Variants in LRMDA observed in about 807,000 individuals in gnomAD.
The protein encoded by LRMDA is leucine-rich melanocyte differentiation-associated protein.
In LRMDA, 18 loss-of-function variants were observed where a neutral mutation model predicts 29.8. The observed-to-expected ratio is 0.60, with a 90% CI of 0.42 to 0.90. LRMDA has a LOEUF of 0.90. Ranked by LOEUF, LRMDA falls within the 40% of genes least tolerant of loss-of-function variation. The pLI, the probability that LRMDA is intolerant of heterozygous loss-of-function variation, is 0.00. For synonymous variants in LRMDA, 125 were observed against 109.4 expected, an observed-to-expected ratio of 1.14 and a Z score of -0.89; for missense variants, 273 against 273.9, an observed-to-expected ratio of 1.00 and a Z score of 0.02.
Position 76,482,344 on chromosome 10 carries a change from G to A in LRMDA, c.602-74865G>A, listed in dbSNP as rs142768063. On this transcript the variant is annotated intron_variant, in intron 6 of 6. Transcript: ENST00000611255. ...ACTTAAATCCCCCTTTTACCCCACT[G>A]TCTTCATTATCTCTGCCCATCAGGG... 1.6e-3 allele frequency among the ~76,000 whole-genome samples: 241 copies of A among 152,004 alleles called. 1 individual carries two copies. The highest frequency in any genetic ancestry group is 4.9e-3 in the African/African-American group (203 of 41,532).
intron 2 of LRMDA, among the ~76,000 whole-genome samples, chr10:75,700,874 C>T (rs750927750): frequency 5.9e-5 from 9 of 152,088 alleles, no homozygotes; most frequent in African/African-American, 9.7e-5. Context: ...GCTTAGCTGT[C>T]GGCCCAGGTG....
chr10:76,298,093 G>T (rs144714690), intron 5 of LRMDA, among the ~76,000 whole-genome samples: 154 of 152,328 alleles, frequency 1.0e-3, no homozygotes, highest in Admixed American at 2.8e-3. Context: ...AGCCCACCAT[G>T]CATGCCTTGC....
chr10:76,238,561 C>T (rs968434034), intron 5 of LRMDA, among the ~76,000 whole-genome samples: 1 of 140,406 alleles, frequency 7.1e-6, no homozygotes, highest in South Asian at 2.5e-4. Flanking sequence ...CCCATGTGGG[C>T]ATGCAGGAGG....
chr10:76,169,917 CAG>C (rs959892547), intron 5 of LRMDA, among the ~76,000 whole-genome samples: 2 of 152,172 alleles, frequency 1.3e-5, no homozygotes, highest in Non-Finnish European at 2.9e-5. Context: ...GTTTACCTCT[CAG>C]AGGTTTATCC....
At chr10:76,147,685 C>G (rs558661360) in intron 5 of LRMDA, among the ~76,000 whole-genome samples, 1 of 152,226 alleles carries the variant, frequency 6.6e-6, no homozygotes, top group African/African-American at 2.4e-5. Flanking sequence ...TCTCTCAACT[C>G]GTCAAAGTCA....
chr10:76,252,524 C>T (rs1211078185), intron 5 of LRMDA, among the ~76,000 whole-genome samples: 1 of 152,120 alleles, frequency 6.6e-6, no homozygotes. Flanking sequence ...AAGAGCAGAG[C>T]CATTTATCTC....
rs374963089 is a variant in LRMDA, at chr10:75,970,051, C to T, written c.132-65957C>T. 2.6e-5 allele frequency among the ~76,000 whole-genome samples: 4 copies of T among 152,312 alleles called. No individual in the cohort carries two copies. In the East Asian group the frequency reaches 5.8e-4, roughly 22 times the overall value. On this transcript the variant is annotated intron_variant, in intron 2 of 6. Transcript: ENST00000611255. ...ATCATGTGGCTGGTTTGACCTTTGC[C>T]ACTTGATGACCCCAAGACACATCTA...
At chr10:75,605,589 G>A (rs534223627) in intron 2 of LRMDA, among the ~76,000 whole-genome samples, 8 of 152,306 alleles carry the variant, frequency 5.3e-5, no homozygotes, top group South Asian at 4.1e-4. Flanking sequence ...TTGTCCTAAC[G>A]CATCCTTTCT....
At chr10:75,877,116 C>T (rs1845211497) in intron 2 of LRMDA, among the ~76,000 whole-genome samples, 1 of 152,218 alleles carries the variant, frequency 6.6e-6, no homozygotes, top group Non-Finnish European at 1.5e-5. Flanking sequence ...AGAGTTGCAG[C>T]TAGAACCTGT....
At chr10:75,928,287 G>GTT (rs5786203) in intron 2 of LRMDA, among the ~76,000 whole-genome samples, 2,784 of 146,800 alleles carry the variant, frequency 0.019, 51 homozygotes, top group African/African-American at 0.047. Flanking sequence ...TTAGTTTTGG[G>GTT]TTTTTTTTTT....
chr10:75,948,514 G>A (rs375245297), intron 2 of LRMDA, among the ~76,000 whole-genome samples: 49 of 152,152 alleles, frequency 3.2e-4, no homozygotes, highest in African/African-American at 1.1e-3. Context: ...ATTAAGGCTG[G>A]GATAATGCAC....
intron 2 of LRMDA, among the ~76,000 whole-genome samples, chr10:75,644,139 C>G (rs1841486865): frequency 6.6e-6 from 1 of 152,054 alleles, no homozygotes; most frequent in Admixed American, 6.5e-5. Context: ...CCCTCTTATC[C>G]CAAGACAGGG....
At chr10:76,274,788 A>G (rs866155097) in intron 5 of LRMDA, among the ~76,000 whole-genome samples, 13 of 152,192 alleles carry the variant, frequency 8.5e-5, no homozygotes, top group Admixed American at 3.9e-4. Flanking sequence ...ATATATGTCA[A>G]TTTTACACAG....
chr10:75,614,624 G>A (rs1352641528), intron 2 of LRMDA, among the ~76,000 whole-genome samples: 2 of 152,170 alleles, frequency 1.3e-5, no homozygotes, highest in African/African-American at 2.4e-5. Context: ...AGAAGGGATG[G>A]TGGAGAGGAG....
At chr10:76,268,364 A>G (rs1274963223) in intron 5 of LRMDA, among the ~76,000 whole-genome samples, 2 of 152,186 alleles carry the variant, frequency 1.3e-5, no homozygotes, top group African/African-American at 2.4e-5. Context: ...TCTCTCCCAC[A>G]TTCAGGAATG....
rs1840983763 is a variant in LRMDA at position 76,337,485 on chromosome 10, GA to G, written c.601+13004del. Among the ~76,000 whole-genome samples the G allele has an allele frequency of 2.0e-5, 3 of 152,222 alleles. 1 individual carries two copies. The South Asian group carries it at 6.2e-4, about 32-fold the overall frequency. On this transcript the variant is annotated intron_variant, in intron 6 of 6. Transcript: ENST00000611255. ...CATGGAACCCTGAGAATGTCTGAGA[GA>G]AAAGTGGTCCAGGCTGAGGAAGGAG...
chr10:76,194,833 A>G (rs376672456), intron 5 of LRMDA, among the ~76,000 whole-genome samples: 18 of 152,236 alleles, frequency 1.2e-4, no homozygotes, highest in South Asian at 6.2e-4. Context: ...AAACAAAGTC[A>G]AGCAAGCTTC....
chr10:76,515,310 T>C (rs113142932), intron 6 of LRMDA, among the ~76,000 whole-genome samples: 21 of 152,284 alleles, frequency 1.4e-4, no homozygotes, highest in African/African-American at 5.1e-4. Context: ...GCTAAATGTC[T>C]AGAAAATAAA....
intron 2 of LRMDA, among the ~76,000 whole-genome samples, chr10:75,476,282 T>C (rs1216332374): frequency 6.6e-6 from 1 of 152,198 alleles, no homozygotes; most frequent in Non-Finnish European, 1.5e-5. Flanking sequence ...ATTTTGCACA[T>C]GTGTGGCCCC....
Sources: gnomAD v4.1 joint callset for allele counts (sites outside exome capture counted in the v4.1 genomes callset) on GRCh38, gnomAD v4.1.1 for gene constraint, MANE v1.5 for transcripts, NCBI Gene and HGNC (gene_info 2026-07-23, HGNC 2026-07-21) for gene names.